The following CMTM8 variants were observed in gnomAD, a reference collection of about 807,000 sequenced individuals.
CMTM8 encodes CKLF-like MARVEL transmembrane domain-containing protein 8.
In CMTM8, 12 loss-of-function variants were observed where a neutral mutation model predicts 18.6. That is an observed-to-expected ratio of 0.65 (90% confidence interval 0.41 to 1.05). CMTM8 has a LOEUF of 1.05. CMTM8 is among the 50% of genes least tolerant of loss of function. The pLI, the probability that CMTM8 is intolerant of heterozygous loss-of-function variation, is 0.00. For synonymous variants in CMTM8, 87 were observed against 90.6 expected, an observed-to-expected ratio of 0.96 and a Z score of 0.23; for missense variants, 217 against 227.2, an observed-to-expected ratio of 0.95 and a Z score of 0.29.
intron 1 of CMTM8, among the ~76,000 whole-genome samples, chr3:32,315,657 A>C (rs1367989901): frequency 6.6e-6 from 1 of 152,208 alleles, no homozygotes; most frequent in Non-Finnish European, 1.5e-5. Flanking sequence ...CCATGCTTTA[A>C]TATGACACAT....
At chr3:32,276,401 TGCC>T (rs1211783382) in intron 1 of CMTM8, among the ~76,000 whole-genome samples, 7 of 152,216 alleles carry the variant, frequency 4.6e-5, no homozygotes, top group Admixed American at 6.5e-5. Flanking sequence ...GCAACAGCAA[TGCC>T]GTGGATATTT....
intron 1 of CMTM8, among the ~76,000 whole-genome samples, chr3:32,340,335 G>A (rs1045304906): frequency 2.6e-5 from 4 of 152,194 alleles, no homozygotes; most frequent in East Asian, 1.9e-4. Flanking sequence ...GAAGGGCTCC[G>A]AACCTGGGAT....
At chr3:32,270,709 G>A (rs1269094619) in intron 1 of CMTM8, among the ~76,000 whole-genome samples, 4 of 152,112 alleles carry the variant, frequency 2.6e-5, no homozygotes, top group East Asian at 3.8e-4. Context: ...GTCACAACCC[G>A]GGGCCTGTTG....
At position 32,319,074 on chromosome 3, in the gene CMTM8, A is replaced by ATATATATATATATTTT; in HGVS notation, c.148-38298_148-38297insATATATATATATTTTT. On this transcript the variant is annotated intron_variant, in intron 1 of 3. Transcript: ENST00000307526. ...TGTATATACATATATATATATATAT[A>ATATATATATATATTTT]TTTTTTTTTTTTTTTTTTTTTGAGA... Among the ~76,000 whole-genome samples the ATATATATATATATTTT allele has an allele frequency of 2.0e-3, 63 of 31,520 alleles. 4 individuals are homozygous for ATATATATATATATTTT. Among genetic ancestry groups the ATATATATATATATTTT allele is most frequent in the African/African-American group, 8.2e-3 (54 of 6,546 alleles). The allele number at this position is 31,520 out of a possible 152,430, so 20.7% of individuals were successfully genotyped here.
Position 32,239,132 on chromosome 3 carries a change from G to C in CMTM8, c.147+13G>C, listed in dbSNP as rs1275851877. 6.3e-7 allele frequency: 1 copy of C among 1,590,078 alleles called. No individual in the cohort carries two copies. The highest frequency in any genetic ancestry group is 8.6e-7 in the Non-Finnish European group (1 of 1,169,000). Reference sequence around the variant, plus strand: ...CGTGGCCGAGATCGTGAGTGCCGACGGGCCGGGGGTGGCGGGGGGCTCAGC... The same window carrying C: ...CGTGGCCGAGATCGTGAGTGCCGACCGGCCGGGGGTGGCGGGGGGCTCAGC... On this transcript the variant is annotated intron_variant, in intron 1 of 3. Coordinates refer to ENST00000307526, the MANE Select transcript of CMTM8 (RefSeq NM_178868.5).
At chr3:32,368,298 G>A (rs1320273187) in intron 3 of CMTM8, among the ~76,000 whole-genome samples, 1 of 152,136 alleles carries the variant, frequency 6.6e-6, no homozygotes, top group Non-Finnish European at 1.5e-5. Context: ...GTAAGTGGGG[G>A]AAGGTTGCAG....
chr3:32,280,074 A>G (rs1702582839), intron 1 of CMTM8, among the ~76,000 whole-genome samples: 1 of 152,112 alleles, frequency 6.6e-6, no homozygotes, highest in African/African-American at 2.4e-5. Flanking sequence ...CTATTGCTTC[A>G]TAGTGGTAAC....
intron 2 of CMTM8, among the ~76,000 whole-genome samples, chr3:32,363,096 G>C (rs1223502423): frequency 1.3e-5 from 2 of 152,220 alleles, no homozygotes; most frequent in Admixed American, 1.3e-4. Flanking sequence ...GGTGAGACTT[G>C]TATAGTTTTT....
chr3:32,263,229 A>G (rs11710859), intron 1 of CMTM8, among the ~76,000 whole-genome samples: 151,179 of 152,284 alleles, frequency 0.99, 75,057 homozygotes, highest in Middle Eastern at 1. Flanking sequence ...CACCTCACAC[A>G]GCTGGGTACC....
rs1350388813 is a variant in CMTM8 at position 32,358,458 on chromosome 3, GTC to G, written c.321+914_321+915del. Among the ~76,000 whole-genome samples the G allele has an allele frequency of 2.6e-5, 4 of 152,010 alleles. No homozygotes were observed. The highest frequency in any genetic ancestry group is 9.7e-5 in the African/African-American group (4 of 41,370). The stretch of plus-strand genomic sequence containing the variant: ...AGCTCTCCAGTGATACTATTTTTTT[GTC>G]TGTTTTCAACCAATATGTGAGAAAA... On this transcript the variant is annotated intron_variant, in intron 2 of 3. Transcript: ENST00000307526. This position sits in a 1 kb window ranked among gnomAD's most constrained non-coding sequence, Gnocchi z 4.1.
chr3:32,281,550 C>T (rs527779975), intron 1 of CMTM8, among the ~76,000 whole-genome samples: 1 of 152,254 alleles, frequency 6.6e-6, no homozygotes, highest in Non-Finnish European at 1.5e-5. Flanking sequence ...AACATATCTT[C>T]CCTCCAGAAG....
rs1341093989 is a variant in CMTM8, at chr3:32,287,493, G to A, written c.147+48374G>A. ...AACTATTACTAACTGATTTATTTTT[G>A]TAGTGTTCAAATAAATTTTAATATA... On this transcript the variant is annotated intron_variant, in intron 1 of 3. Coordinates refer to ENST00000307526, the MANE Select transcript of CMTM8 (RefSeq NM_178868.5). 2.0e-5 allele frequency among the ~76,000 whole-genome samples: 3 copies of A among 152,064 alleles called. No homozygotes were observed. The East Asian group carries it at 5.8e-4, about 29-fold the overall frequency.
At chr3:32,341,127 T>TC (rs1696482764) in intron 1 of CMTM8, among the ~76,000 whole-genome samples, 1 of 152,224 alleles carries the variant, frequency 6.6e-6, no homozygotes, top group Admixed American at 6.5e-5. Flanking sequence ...GACCAGCACT[T>TC]CAAAAGGCCT....
At chr3:32,339,566 A>G (rs1160460450) in intron 1 of CMTM8, among the ~76,000 whole-genome samples, 1 of 152,250 alleles carries the variant, frequency 6.6e-6, no homozygotes, top group African/African-American at 2.4e-5. Flanking sequence ...CCAGAGGCCA[A>G]GTGCCTTGTT....
At chr3:32,314,899 T>A (rs1003996631) in intron 1 of CMTM8, among the ~76,000 whole-genome samples, 1 of 133,266 alleles carries the variant, frequency 7.5e-6, no homozygotes, top group African/African-American at 2.8e-5. Context: ...GAGATATTGA[T>A]AGCCTTGTAC....
intron 3 of CMTM8, among the ~76,000 whole-genome samples, chr3:32,368,509 G>A (rs1559392638): frequency 6.7e-6 from 1 of 148,502 alleles, no homozygotes; most frequent in Non-Finnish European, 1.5e-5. Flanking sequence ...CACCCAGGCT[G>A]GAGTGCAGTG....
chr3:32,340,917 G>T (rs367952383), intron 1 of CMTM8, among the ~76,000 whole-genome samples: 1 of 152,196 alleles, frequency 6.6e-6, no homozygotes, highest in African/African-American at 2.4e-5. Flanking sequence ...TGTGGCAGGT[G>T]CCCATAGCCT....
chr3:32,243,370 A>C (rs1701969658), intron 1 of CMTM8, among the ~76,000 whole-genome samples: 1 of 151,840 alleles, frequency 6.6e-6, no homozygotes, highest in South Asian at 2.1e-4. Flanking sequence ...ATCTCTACTG[A>C]AAATACAAAA....
At chr3:32,331,520 T>TA (rs138840748) in intron 1 of CMTM8, among the ~76,000 whole-genome samples, 138 of 123,974 alleles carry the variant, frequency 1.1e-3, no homozygotes, top group Admixed American at 2.9e-3. Flanking sequence ...TTCAGCTGAT[T>TA]AAAAAAAAAA....
Sources: gnomAD v4.1 joint callset for allele counts (sites outside exome capture counted in the v4.1 genomes callset) on GRCh38, gnomAD v4.1.1 for gene constraint, Gnocchi (gnomAD v3.1) non-coding constraint, MANE v1.5 for transcripts, NCBI Gene and HGNC (gene_info 2026-07-23, HGNC 2026-07-21) for gene names.